Variants in SVEP1 observed in about 807,000 individuals in gnomAD.
SVEP1 encodes sushi, von Willebrand factor type A, EGF and pentraxin domain-containing protein 1.
Under a neutral mutation model 367.3 loss-of-function variants are expected in SVEP1, and 164 were observed. The observed-to-expected ratio is 0.45, with a 90% confidence interval of 0.39 to 0.51. The LOEUF (loss-of-function observed/expected upper bound fraction) is 0.51. Among genes scored for constraint, SVEP1 ranks in the 20% least tolerant of loss-of-function variants. The pLI is 0.00. For missense variants in SVEP1, 4,117 were observed against 4,425.3 expected, an observed-to-expected ratio of 0.93 and a Z score of 1.98; for synonymous variants, 1,666 against 1,611.6, an observed-to-expected ratio of 1.03 and a Z score of -0.81.
chr9:110,555,192 G>T (rs2118861467), intron 1 of SVEP1, among the ~76,000 whole-genome samples: 1 of 149,892 alleles, frequency 6.7e-6, no homozygotes, highest in South Asian at 2.1e-4. Context: ...AAAAACGTGA[G>T]AATTTTCCTA....
rs748314028 is a variant in SVEP1, at chr9:110,407,749, A to G, written c.7851T>C (p.Pro2617=). 4.3e-6 allele frequency: 7 copies of G among 1,613,948 alleles called. No homozygotes were observed. The East Asian group carries it at 1.3e-4, about 31-fold the overall frequency. The change falls in exon 38 of 48, where the codon CCT becomes CCC. Residue 2617 remains proline, a synonymous_variant. Coordinates refer to ENST00000374469, the MANE Select transcript of SVEP1 (RefSeq NM_153366.4). ...TCMPIDCGLP[P]HIDFGDCTKL... Reference sequence around the variant, plus strand: ...TAGTACAGTCTCCAAAATCTATATGAGGAGGGAGGCCACAGTCTATTGGCA... The same window carrying G: ...TAGTACAGTCTCCAAAATCTATATGGGGAGGGAGGCCACAGTCTATTGGCA...
intron 47 of SVEP1, among the ~76,000 whole-genome samples, chr9:110,368,347 A>G (rs952712400): frequency 6.6e-6 from 1 of 152,212 alleles, no homozygotes. Context: ...CAGTATATAC[A>G]GGAGGAGGAA....
chr9:110,579,674 C>G lies in SVEP1; in HGVS notation c.-131G>C, dbSNP rs1408648076. The G allele has an allele frequency of 1.8e-6, 2 of 1,136,946 alleles. No homozygotes were observed. The highest frequency in any genetic ancestry group is 2.4e-6 in the Non-Finnish European group (2 of 850,286). The allele number at this position is 1,136,946 out of a possible 1,614,324, so 70.4% of individuals were successfully genotyped here. A position where few individuals can be genotyped will look rare whatever the true frequency, so the allele number is the denominator to read the frequency against. The stretch of plus-strand genomic sequence containing the variant: ...GGGCAGCGGCCAAGAGCCTCAGCGC[C>G]CTTTCATCTGACACTGGGGACAGAC... On this transcript the variant is annotated 5_prime_UTR_variant, in exon 1 of 48. Transcript: ENST00000374469. This position sits in a 1 kb window ranked among gnomAD's most constrained non-coding sequence, Gnocchi z 5.3.
At position 110,450,147 on chromosome 9, in the gene SVEP1, C is replaced by A; in HGVS notation, c.4015G>T (p.Gly1339Cys). 6.2e-7 allele frequency: 1 copy of A among 1,613,928 alleles called. No homozygotes were observed. Among genetic ancestry groups the A allele is most frequent in the Non-Finnish European group, 8.5e-7 (1 of 1,179,852 alleles). ...FLCKCPPGFL[G>C]TRCGKNVDEC... ...TCGACGTTCTTTCCACATCGGGTACCCAAAAATCCAGGTGGGCATTTGCAC... is the reference window on the plus strand; with the variant it reads ...TCGACGTTCTTTCCACATCGGGTACACAAAAATCCAGGTGGGCATTTGCAC... Residue 1339 changes from glycine (G) to cysteine (C), a missense_variant, in exon 24 of 48, where the codon GGT (glycine) becomes TGT (cysteine). Gly to Cys is a radical substitution (Grantham distance 159, BLOSUM62 -3). Around this residue, in one of 4 missense-constraint regions of SVEP1, gnomAD observed 2,174 missense variants for 2,494.3 expected, o/e 0.87. Transcript: ENST00000374469.
At chr9:110,492,005 TTA>T (rs1688563231) in intron 8 of SVEP1, among the ~76,000 whole-genome samples, 1 of 152,052 alleles carries the variant, frequency 6.6e-6, no homozygotes, top group Non-Finnish European at 1.5e-5. Context: ...AAAAAGCAGA[TTA>T]TCTAAAAAAA....
rs371523575 is a variant in SVEP1, at chr9:110,562,291, A to G, written c.532-12187T>C. 1.1e-3 allele frequency among the ~76,000 whole-genome samples: 174 copies of G among 152,256 alleles called. 1 individual carries two copies. The highest frequency in any genetic ancestry group is 3.9e-3 in the African/African-American group (161 of 41,570). ...AAAATTGGAGGCTAAATGACCTATC[A>G]TTCTTAAACAAATGCTAATTTATTA... On this transcript the variant is annotated intron_variant, in intron 1 of 47. Transcript: ENST00000374469.
chr9:110,408,051 C>T lies in SVEP1; in HGVS notation c.7549G>A (p.Gly2517Arg), dbSNP rs1270346796. 1.2e-6 allele frequency: 2 copies of T among 1,613,954 alleles called. No homozygotes were observed. The highest frequency in any genetic ancestry group is 8.5e-7 in the Non-Finnish European group (1 of 1,179,876). Reference sequence around the variant, plus strand: ...TTGCAAGAGTAGGTAACGGTCTGTCCATAGTGTAGGTCCGTGTAAGAGAAT... The same window carrying T: ...TTGCAAGAGTAGGTAACGGTCTGTCTATAGTGTAGGTCCGTGTAAGAGAAT... ...GKFSYTDLHY[G>R]QTVTYSCNRG... The change falls in exon 38 of 48, where the codon GGA (glycine) becomes AGA (arginine). Residue 2517 changes from glycine to arginine, a missense_variant. Physicochemically the swap from Gly to Arg is moderately radical, Grantham distance 125. This residue lies in a region of SVEP1 where 1,765 missense variants were observed against 1,781.1 expected (regional missense o/e 0.99). Coordinates refer to ENST00000374469, the MANE Select transcript of SVEP1 (RefSeq NM_153366.4).
At chr9:110,575,481 A>G (rs931641052) in intron 1 of SVEP1, among the ~76,000 whole-genome samples, 3 of 152,136 alleles carry the variant, frequency 2.0e-5, no homozygotes, top group African/African-American at 7.2e-5. Flanking sequence ...GAGTATTTAG[A>G]GCGGAGACCA....
intron 1 of SVEP1, 142 bp from the exon 2 acceptor site, chr9:110,550,246 G>A (rs1472339411): frequency 6.4e-6 from 7 of 1,095,890 alleles, no homozygotes; most frequent in Admixed American, 4.2e-5. Context: ...GAGTAAAACA[G>A]AAATAGGCAC....
rs949157684 is a variant in SVEP1, at chr9:110,450,726, C to T, written c.3902-466G>A. Among the ~76,000 whole-genome samples, 4 of 151,858 alleles carry T rather than the reference C, an allele frequency of 2.6e-5. No individual in the cohort carries two copies. In the South Asian group the frequency reaches 6.3e-4, roughly 24 times the overall value. On this transcript the variant is annotated intron_variant, in intron 23 of 47. Transcript: ENST00000374469. ...CTGAGCTCAAGTAATCCACCTGCCT[C>T]GGCCTCCCAAAATGCTGGGATTACA... is the stretch of plus-strand genomic sequence containing the variant.
chr9:110,488,083 G>A (rs575974290), intron 9 of SVEP1, among the ~76,000 whole-genome samples: 26 of 152,302 alleles, frequency 1.7e-4, no homozygotes, highest in Admixed American at 4.6e-4. Context: ...AAACTTCAGC[G>A]ATATCAAGTA....
In SVEP1 at chr9:110,445,998, G is replaced by T. The variant is rs150232127; in HGVS notation, c.4302C>A (p.Gly1434=). The part of the protein sequence containing the change: ...TGFNLDFEVS[G]IYGYVMLDGM... ...CATCTAGCATGACATATCCATAGAT[G>T]CCAGAAACTTCAAAATCCAGGTTAA... is the stretch of plus-strand genomic sequence containing the variant. Residue 1434 remains glycine (G), a synonymous_variant, in exon 26 of 48, where the codon GGC becomes GGA. Coordinates refer to ENST00000374469, the MANE Select transcript of SVEP1 (RefSeq NM_153366.4). The T allele has an allele frequency of 7.4e-6, 12 of 1,613,550 alleles. No individual in the cohort carries two copies. The highest frequency in any genetic ancestry group is 1.0e-5 in the Non-Finnish European group (12 of 1,179,750).
chr9:110,568,763 C>A (rs1830519813), intron 1 of SVEP1, among the ~76,000 whole-genome samples: 1 of 152,112 alleles, frequency 6.6e-6, no homozygotes, highest in South Asian at 2.1e-4. Context: ...GGTATTTTAA[C>A]CATGTAGATA....
chr9:110,390,039 A>AT (rs1564127098), intron 40 of SVEP1, among the ~76,000 whole-genome samples: 1 of 66,508 alleles, frequency 1.5e-5, no homozygotes, highest in African/African-American at 4.0e-5. Context: ...ATATATATAT[A>AT]AGTATATATA....
chr9:110,553,168 G>A (rs1830312763), intron 1 of SVEP1, among the ~76,000 whole-genome samples: 1 of 152,196 alleles, frequency 6.6e-6, no homozygotes, highest in Non-Finnish European at 1.5e-5. Flanking sequence ...AGAGCTGAGA[G>A]GTAAGTATCT....
chr9:110,413,948 G>A (rs761648985), intron 36 of SVEP1, among the ~76,000 whole-genome samples: 1 of 152,030 alleles, frequency 6.6e-6, no homozygotes, highest in Non-Finnish European at 1.5e-5. Context: ...GAAATAAAGT[G>A]AATGGTGGTT....
chr9:110,409,224 T>G (rs192637419), intron 37 of SVEP1, among the ~76,000 whole-genome samples: 20 of 152,160 alleles, frequency 1.3e-4, no homozygotes, highest in African/African-American at 4.6e-4. Flanking sequence ...ACACTTGAGG[T>G]TAGGAGTTCG....
At chr9:110,411,848 AAAT>A (rs1828049426) in intron 36 of SVEP1, 113 bp from the exon 37 acceptor site, 1 of 1,019,258 alleles carries the variant, frequency 9.8e-7, no homozygotes, top group South Asian at 2.0e-5. Flanking sequence ...TTTATCTTTA[AAAT>A]AATATTTCCT....
At position 110,514,453 on chromosome 9, in the gene SVEP1, C is replaced by T. The variant is rs889679244; in HGVS notation, c.965-347G>A. ...GCTTGAACCTGGGAGCTGGAGGTTG[C>T]GGTGAGCTGAGATAGCACCACTGCA... On this transcript the variant is annotated intron_variant, in intron 3 of 47. Transcript: ENST00000374469. Among the ~76,000 whole-genome samples the T allele has an allele frequency of 4.1e-5, 6 of 146,804 alleles. No homozygotes were observed. The East Asian group carries it at 1.0e-3, about 25-fold the overall frequency.
Sources: allele counts gnomAD v4.1 joint callset (sites outside exome capture counted in the v4.1 genomes callset), GRCh38; gene constraint gnomAD v4.1.1; regional missense constraint gnomAD v4.1.1; non-coding constraint Gnocchi (gnomAD v3.1); transcripts MANE v1.5; gene names NCBI Gene and HGNC (gene_info 2026-07-23, HGNC 2026-07-21).